Variants in PDE1A observed in about 807,000 individuals in gnomAD.
PDE1A encodes the protein dual specificity calcium/calmodulin-dependent 3',5'-cyclic nucleotide phosphodiesterase 1A.
Under a neutral mutation model 61.7 loss-of-function variants are expected in PDE1A, and 35 were observed. That is an observed-to-expected ratio of 0.57 (90% confidence interval 0.43 to 0.75). The LOEUF (loss-of-function observed/expected upper bound fraction) is 0.75. Among genes scored for constraint, PDE1A ranks in the 30% least tolerant of loss-of-function variants. PDE1A has a pLI of 0.00. For missense variants in PDE1A, 597 were observed against 630.6 expected (o/e 0.95, Z 0.57); for synonymous variants, 232 against 213.2 (o/e 1.09, Z -0.77).
At chr2:182,489,796 G>A (rs1238968050) in intron 2 of PDE1A, among the ~76,000 whole-genome samples, 2 of 136,102 alleles carry the variant, frequency 1.5e-5, no homozygotes, top group East Asian at 2.1e-4. Context: ...GCAACAAGAG[G>A]TGTTGGATAA....
At chr2:182,281,769 A>G (rs1430141906) in intron 1 of PDE1A, among the ~76,000 whole-genome samples, 1 of 151,908 alleles carries the variant, frequency 6.6e-6, no homozygotes, top group Non-Finnish European at 1.5e-5. Context: ...AGTCACTCTG[A>G]TTTAGCAAGA....
chr2:182,575,906 T>C, the PDE1A span, among the ~76,000 whole-genome samples: 2 of 146,984 alleles, frequency 1.4e-5, no homozygotes, highest in African/African-American at 4.9e-5. Flanking sequence ...GTTAATACTA[T>C]ATATAGTATC....
At chr2:182,159,093 T>G (rs185585000) in intron 13 of PDE1A, among the ~76,000 whole-genome samples, 2 of 152,250 alleles carry the variant, frequency 1.3e-5, no homozygotes, top group Admixed American at 1.3e-4. Context: ...TTTTAAGAGA[T>G]AAAAATTAAA....
chr2:182,703,435 T>C, the PDE1A span, among the ~76,000 whole-genome samples: 1 of 152,230 alleles, frequency 6.6e-6, no homozygotes, highest in East Asian at 1.9e-4. Context: ...CTGAATGGCA[T>C]AAGGGAAAGG....
intron 2 of PDE1A, among the ~76,000 whole-genome samples, chr2:182,449,513 G>A (rs963439072): frequency 6.6e-6 from 1 of 151,976 alleles, no homozygotes; most frequent in Admixed American, 6.6e-5. Context: ...CCAAAGGAGG[G>A]TGTTTGTAGT....
chr2:182,161,697 C>T (rs967048547), intron 13 of PDE1A, among the ~76,000 whole-genome samples: 5 of 152,004 alleles, frequency 3.3e-5, no homozygotes, highest in Admixed American at 1.3e-4. Flanking sequence ...CAAGGAGGTG[C>T]GCTATACTCC....
intron 1 of PDE1A, among the ~76,000 whole-genome samples, chr2:182,375,811 TC>T (rs2125276198): frequency 6.6e-6 from 1 of 152,266 alleles, no homozygotes; most frequent in South Asian, 2.1e-4. Context: ...TTTCCATACT[TC>T]TTCTGAAATC....
At chr2:182,445,498 T>C (rs1685076769) in intron 2 of PDE1A, among the ~76,000 whole-genome samples, 1 of 152,114 alleles carries the variant, frequency 6.6e-6, no homozygotes, top group Non-Finnish European at 1.5e-5. Context: ...GAGTTGAAAC[T>C]GATAAATATT....
chr2:182,564,069 T>C, the PDE1A span, among the ~76,000 whole-genome samples: 3 of 152,182 alleles, frequency 2.0e-5, no homozygotes, highest in Non-Finnish European at 4.4e-5. Flanking sequence ...AAGTTAATAT[T>C]GTTATATGTG....
At chr2:182,635,084 C>A in the PDE1A span, among the ~76,000 whole-genome samples, 2 of 149,154 alleles carry the variant, frequency 1.3e-5, no homozygotes, top group East Asian at 2.0e-4. Context: ...TCATACTCTG[C>A]GGGAAAAGGG....
the PDE1A span, among the ~76,000 whole-genome samples, chr2:182,565,109 T>C: frequency 6.6e-6 from 1 of 152,256 alleles, no homozygotes; most frequent in African/African-American, 2.4e-5. Context: ...ACTGCATTCC[T>C]TTGGAGGAGG....
exon 2 of PDE1A, chr2:182,264,367 A>G: frequency 6.2e-7 from 1 of 1,613,754 alleles, no homozygotes; most frequent in African/African-American, 1.3e-5. Flanking sequence ...CTTTAAGTCG[A>G]CGACGTTAAC....
the PDE1A span, among the ~76,000 whole-genome samples, chr2:182,598,508 G>A: frequency 6.6e-6 from 1 of 150,888 alleles, no homozygotes; most frequent in African/African-American, 2.4e-5. Context: ...GGAGGCGGAG[G>A]TTGCAGTGAG....
the PDE1A span, among the ~76,000 whole-genome samples, chr2:182,542,329 T>C: frequency 1.3e-5 from 2 of 152,182 alleles, no homozygotes; most frequent in Non-Finnish European, 2.9e-5. Flanking sequence ...TATCTCTATG[T>C]ATGTTCTTTA....
chr2:182,325,460 A>G (rs914930016), intron 1 of PDE1A, among the ~76,000 whole-genome samples: 3 of 152,274 alleles, frequency 2.0e-5, no homozygotes, highest in Admixed American at 6.5e-5. Flanking sequence ...AAAACAATGG[A>G]AAAAAATTGA....
chr2:182,389,706 G>T (rs1701313057), intron 1 of PDE1A, among the ~76,000 whole-genome samples: 1 of 152,198 alleles, frequency 6.6e-6, no homozygotes, highest in South Asian at 2.1e-4. Flanking sequence ...GTGTGTCTGT[G>T]AGGGTGTTGC....
chr2:182,676,868 T>C, the PDE1A span, among the ~76,000 whole-genome samples: 2 of 152,156 alleles, frequency 1.3e-5, no homozygotes, highest in Non-Finnish European at 2.9e-5. Context: ...TCAACATCCA[T>C]TCATGTTAAA....
At chr2:182,275,001 T>A (rs1347346158) in intron 1 of PDE1A, among the ~76,000 whole-genome samples, 1 of 152,046 alleles carries the variant, frequency 6.6e-6, no homozygotes, top group Non-Finnish European at 1.5e-5. Flanking sequence ...TAAGTTAAGG[T>A]CTAACTAGGA....
intron 2 of PDE1A, among the ~76,000 whole-genome samples, chr2:182,475,321 T>C (rs574473068): frequency 1.1e-4 from 16 of 152,034 alleles, no homozygotes; most frequent in African/African-American, 3.9e-4. Flanking sequence ...ACAGTGTTGA[T>C]AGCCCCACTA....
Sources: allele counts gnomAD v4.1 joint callset (sites outside exome capture counted in the v4.1 genomes callset), GRCh38; gene constraint gnomAD v4.1.1; transcripts MANE v1.5; gene names NCBI Gene and HGNC (gene_info 2026-07-23, HGNC 2026-07-21).